NCKAP5: variants seen among roughly 807,000 people sequenced by gnomAD.
NCKAP5 encodes NCK associated protein 5, also known as nck-associated protein 5.
NCKAP5 carries 92 observed loss-of-function variants against 167.0 expected under a neutral mutation model. The observed-to-expected ratio is 0.55, with a 90% CI of 0.47 to 0.66. The LOEUF is 0.66. Ranked by LOEUF, NCKAP5 falls within the 30% of genes least tolerant of loss-of-function variation. The probability of loss-of-function intolerance (pLI) is 0.00; values close to 1 mark genes in which losing one functional copy is unlikely to be tolerated. For missense variants in NCKAP5, 2,378 were observed against 2,315.0 expected (o/e 1.03, Z -0.56); for synonymous variants, 891 against 877.4 (o/e 1.02, Z -0.27).
rs1185487004 is a variant in NCKAP5 at position 132,785,525 on chromosome 2, C to T, written c.1286G>A (p.Cys429Tyr). The T allele has an allele frequency of 3.1e-6, 5 of 1,609,960 alleles. No homozygotes were observed. Among genetic ancestry groups the T allele is most frequent in the Non-Finnish European group, 4.2e-6 (5 of 1,177,828 alleles). The change falls in exon 14 of 20, where the codon TGC becomes TAC. Residue 429 changes from cysteine to tyrosine, a missense_variant. By Grantham distance (194) the Cys-to-Tyr change is radical (BLOSUM62 -2). This residue lies in a region of NCKAP5 where 1,049 missense variants were observed against 1,023.4 expected (regional missense o/e 1.02). Coordinates refer to ENST00000409261, the MANE Select transcript of NCKAP5 (RefSeq NM_207363.3). Reference protein sequence around the residue: ...SVITKWGYKDCMNSNEGIYSP... With the variant: ...SVITKWGYKDYMNSNEGIYSP... ...ATATATTCCTTCATTCGAGTTCATG[C>T]AATCTTTATAACCCCATTTGGTTAT...
At chr2:133,210,969 G>C (rs6720871) in intron 5 of NCKAP5, among the ~76,000 whole-genome samples, 1 of 149,006 alleles carries the variant, frequency 6.7e-6, no homozygotes, top group African/African-American at 2.5e-5. Context: ...GAGACCTTGA[G>C]GGTGCACCCA....
chr2:132,673,209 T>C lies in NCKAP5; in HGVS notation c.*80A>G, dbSNP rs1185680206. The C allele has an allele frequency of 1.3e-5, 18 of 1,429,942 alleles. No homozygotes were observed. Among genetic ancestry groups the C allele is most frequent in the Admixed American group, 3.2e-5 (1 of 31,180 alleles). 88.6% of individuals were successfully genotyped at this position (1,429,942 alleles called of 1,614,324 possible). A position where few individuals can be genotyped will look rare whatever the true frequency, so the allele number is the denominator to read the frequency against. On this transcript the variant is annotated 3_prime_UTR_variant, in exon 20 of 20. Transcript: ENST00000409261. ...GAGTTCTTCTCTTTTTCTAATAAAATCACAGTATTGCTGTTAAATTTATTG... is the reference window on the plus strand; with the variant it reads ...GAGTTCTTCTCTTTTTCTAATAAAACCACAGTATTGCTGTTAAATTTATTG...
At chr2:133,017,233 G>C (rs1345036264) in intron 6 of NCKAP5, among the ~76,000 whole-genome samples, 3 of 152,152 alleles carry the variant, frequency 2.0e-5, no homozygotes, top group African/African-American at 4.8e-5. Flanking sequence ...GTTTTCTGAA[G>C]GCAACTATTT....
intron 12 of NCKAP5, 72 bp downstream of exon 12, chr2:132,796,556 T>C (rs968200128): frequency 1.9e-6 from 2 of 1,053,934 alleles, no homozygotes; most frequent in African/African-American, 1.6e-5. Context: ...TATGGTTCGC[T>C]TGTGACATCA....
intron 6 of NCKAP5, among the ~76,000 whole-genome samples, chr2:133,073,205 G>A (rs966647980): frequency 1.3e-5 from 2 of 152,096 alleles, no homozygotes; most frequent in Non-Finnish European, 2.9e-5. Context: ...GGTGTCTGTA[G>A]GCTAGAGTAG....
chr2:133,601,556 C>A, the NCKAP5 span, among the ~76,000 whole-genome samples: 1 of 152,010 alleles, frequency 6.6e-6, no homozygotes, highest in African/African-American at 2.4e-5. Flanking sequence ...ATGGTAAAAC[C>A]CCATCTCTAC....
At chr2:133,318,999 C>T (rs112687365) in intron 3 of NCKAP5, among the ~76,000 whole-genome samples, 33 of 152,234 alleles carry the variant, frequency 2.2e-4, no homozygotes, top group African/African-American at 7.2e-4. Flanking sequence ...TCCCCAGGCC[C>T]ACTGAACTCT....
At chr2:133,192,666 CA>C (rs57161401) in intron 5 of NCKAP5, among the ~76,000 whole-genome samples, 9,534 of 151,898 alleles carry the variant, frequency 0.063, 386 homozygotes, top group East Asian at 0.16. Context: ...TGCCACTAAC[CA>C]TTAGAGTAAT....
chr2:132,910,732 T>C (rs1215190406), intron 8 of NCKAP5, among the ~76,000 whole-genome samples: 1 of 152,194 alleles, frequency 6.6e-6, no homozygotes, highest in East Asian at 1.9e-4. Context: ...TTGCAATTCA[T>C]TTTTTTCTTT....
intron 3 of NCKAP5, among the ~76,000 whole-genome samples, chr2:133,465,771 AT>A (rs1389494023): frequency 6.6e-6 from 1 of 151,652 alleles, no homozygotes; most frequent in Admixed American, 6.6e-5. Flanking sequence ...GATGATGAGC[AT>A]TTTTTCATGT....
Position 133,180,248 on chromosome 2 carries a change from G to A in NCKAP5, c.207+33468C>T, listed in dbSNP as rs75449562. On this transcript the variant is annotated intron_variant, in intron 5 of 19. Coordinates refer to ENST00000409261, the MANE Select transcript of NCKAP5 (RefSeq NM_207363.3). Reference sequence around the variant, plus strand: ...CCCTCAGTAATGAAGGAGAAATCAAGACATCTCAAATAAAGGAAAACTCAA... The same window carrying A: ...CCCTCAGTAATGAAGGAGAAATCAAAACATCTCAAATAAAGGAAAACTCAA... 6.0e-3 allele frequency among the ~76,000 whole-genome samples: 908 copies of A among 152,168 alleles called. 5 individuals carry two copies. The highest frequency in any genetic ancestry group is 0.02 in the African/African-American group (850 of 41,524).
intron 6 of NCKAP5, among the ~76,000 whole-genome samples, chr2:133,090,912 C>A (rs2149635003): frequency 6.6e-6 from 1 of 152,174 alleles, no homozygotes; most frequent in East Asian, 1.9e-4. Flanking sequence ...GTGTCCCTAC[C>A]CAAATCTCAC....
chr2:133,114,698 T>C (rs752510936), intron 6 of NCKAP5, among the ~76,000 whole-genome samples: 133 of 152,186 alleles, frequency 8.7e-4, no homozygotes, highest in Non-Finnish European at 1.6e-3. Flanking sequence ...TTCCTTGTAC[T>C]TTATTTGTTG....
intron 16 of NCKAP5, among the ~76,000 whole-genome samples, chr2:132,747,178 A>AAAC (rs1407596934): frequency 2.0e-5 from 3 of 151,982 alleles, no homozygotes; most frequent in Admixed American, 2.0e-4. Context: ...TGCCAAAAAA[A>AAAC]AAAAACAAAA....
intron 7 of NCKAP5, among the ~76,000 whole-genome samples, chr2:132,970,492 A>G (rs2076798795): frequency 6.6e-6 from 1 of 152,208 alleles, no homozygotes; most frequent in Admixed American, 6.5e-5. Flanking sequence ...AAGTGAAGCT[A>G]CCATACAAAC....
chr2:132,945,545 G>C (rs566002454), intron 8 of NCKAP5, among the ~76,000 whole-genome samples: 5 of 152,154 alleles, frequency 3.3e-5, no homozygotes, highest in African/African-American at 1.2e-4. Flanking sequence ...AGCTGGATGC[G>C]TGATAAGACA....
At chr2:133,587,637 T>C in the NCKAP5 span, among the ~76,000 whole-genome samples, 1 of 152,212 alleles carries the variant, frequency 6.6e-6, no homozygotes, top group East Asian at 1.9e-4. Context: ...ATAAAGTGTT[T>C]GGCCCTAACC....
intron 8 of NCKAP5, among the ~76,000 whole-genome samples, chr2:132,936,044 C>T (rs905962413): frequency 4.0e-5 from 6 of 149,966 alleles, no homozygotes; most frequent in Middle Eastern, 3.5e-3. Context: ...TGCAGTGGTG[C>T]GATCTCAGCT....
intron 13 of NCKAP5, among the ~76,000 whole-genome samples, chr2:132,789,126 C>T (rs779237848): frequency 1.4e-4 from 21 of 152,040 alleles, no homozygotes; most frequent in Non-Finnish European, 1.9e-4. Context: ...GGAAGAATTC[C>T]AGCCAAAAAT....
Sources: allele counts gnomAD v4.1 joint callset (sites outside exome capture counted in the v4.1 genomes callset), GRCh38; gene constraint gnomAD v4.1.1; regional missense constraint gnomAD v4.1.1; transcripts MANE v1.5; gene names NCBI Gene and HGNC (gene_info 2026-07-23, HGNC 2026-07-21).